OPCML: variants seen among roughly 807,000 people sequenced by gnomAD.
OPCML encodes opioid-binding protein/cell adhesion molecule.
In OPCML, 13 loss-of-function variants were observed where a neutral mutation model predicts 37.8. The ratio of observed to expected loss-of-function variants is 0.34; its 90% CI spans 0.22 to 0.55. The LOEUF (loss-of-function observed/expected upper bound fraction) is 0.55, where lower values mean the gene tolerates loss of function less well. Among genes scored for constraint, OPCML ranks in the 20% least tolerant of loss-of-function variants. OPCML has a pLI of 0.91. For synonymous variants in OPCML, 176 were observed against 168.8 expected (o/e 1.04, Z -0.33); for missense variants, 341 against 435.6 (o/e 0.78, Z 1.93).
chr11:132,464,577 ATC>A (rs1349377809), intron 4 of OPCML, among the ~76,000 whole-genome samples: 4 of 152,222 alleles, frequency 2.6e-5, no homozygotes, highest in African/African-American at 9.6e-5. Context: ...TTAATCAAAT[ATC>A]TCTACTTTTA....
rs73603254 is a variant in OPCML at position 132,418,426 on chromosome 11, G to C, written c.*1767C>G. 11,745 of 152,630 alleles carry C rather than the reference G, an allele frequency of 0.077. 798 individuals are homozygous for C. The highest frequency in any genetic ancestry group is 0.17 in the African/African-American group (7,154 of 41,512). The allele number at this position is 152,630 out of a possible 1,614,324, so 9.5% of individuals were successfully genotyped here. On this transcript the variant is annotated 3_prime_UTR_variant, in exon 8 of 8. Transcript: ENST00000524381. ...CAGCTCTTGTTTGTATGCTGGGTCT[G>C]CTTTGAACCTGAAGAGCTGGTGAAG...
intron 1 of OPCML, among the ~76,000 whole-genome samples, chr11:133,478,689 T>A (rs1187465995): frequency 6.6e-6 from 1 of 152,212 alleles, no homozygotes; most frequent in Non-Finnish European, 1.5e-5. Context: ...ACCTAAACTA[T>A]AGACAAACTA....
At chr11:132,510,061 C>T (rs374456952) in intron 4 of OPCML, among the ~76,000 whole-genome samples, 2 of 152,214 alleles carry the variant, frequency 1.3e-5, no homozygotes, top group African/African-American at 4.8e-5. Context: ...GGGAACCCAC[C>T]TCTTGCATCA....
intron 1 of OPCML, among the ~76,000 whole-genome samples, chr11:133,079,769 G>A (rs1177949727): frequency 1.3e-5 from 2 of 151,960 alleles, no homozygotes; most frequent in African/African-American, 4.8e-5. Context: ...AAGGTGAGAG[G>A]AAGGACCTAT....
chr11:132,858,283 G>A (rs1026139295), intron 2 of OPCML, among the ~76,000 whole-genome samples: 2 of 152,116 alleles, frequency 1.3e-5, no homozygotes, highest in African/African-American at 4.8e-5. Flanking sequence ...GGCTGCACCC[G>A]ACTCAGTCAG....
rs2096134906 is a variant in OPCML at position 132,470,578 on chromosome 11, T to C, written c.506-33219A>G. 2.6e-5 allele frequency among the ~76,000 whole-genome samples: 4 copies of C among 152,102 alleles called. No individual in the cohort carries two copies. The South Asian group carries it at 8.3e-4, about 32-fold the overall frequency. ...CATGAACGCATGAATGTGTTTGAAGTTTGAGGAATATCAGTAGCAATAGTA... is the reference window on the plus strand; with the variant it reads ...CATGAACGCATGAATGTGTTTGAAGCTTGAGGAATATCAGTAGCAATAGTA... On this transcript the variant is annotated intron_variant, in intron 4 of 7. Transcript: ENST00000524381.
At chr11:133,133,782 T>C (rs11223368) in intron 1 of OPCML, among the ~76,000 whole-genome samples, 12,598 of 152,178 alleles carry the variant, frequency 0.083, 886 homozygotes, top group African/African-American at 0.19. Flanking sequence ...ACGAGTTGCC[T>C]GTGCTCAGTG....
intron 2 of OPCML, among the ~76,000 whole-genome samples, chr11:132,862,644 G>A (rs566635521): frequency 6.6e-5 from 10 of 152,290 alleles, no homozygotes; most frequent in African/African-American, 2.4e-4. Flanking sequence ...AGCTGAGAAA[G>A]ATGGTGGGCT....
chr11:133,034,688 G>A (rs559232444), intron 1 of OPCML, among the ~76,000 whole-genome samples: 4 of 151,754 alleles, frequency 2.6e-5, no homozygotes, highest in East Asian at 1.9e-4. Flanking sequence ...ATGCTTAGAC[G>A]CAAGGAACAT....
chr11:133,240,466 T>C (rs6590683), intron 1 of OPCML, among the ~76,000 whole-genome samples: 94,139 of 151,968 alleles, frequency 0.62, 30,406 homozygotes, highest in East Asian at 0.91. Flanking sequence ...TGTGATGTCT[T>C]TGTCCCTCAT....
intron 2 of OPCML, among the ~76,000 whole-genome samples, chr11:132,754,669 TA>T (rs1420761776): frequency 1.3e-5 from 2 of 152,002 alleles, no homozygotes; most frequent in African/African-American, 2.4e-5. Flanking sequence ...TAAGGGGTGA[TA>T]GGGGGACCAC....
intron 4 of OPCML, among the ~76,000 whole-genome samples, chr11:132,515,747 G>A (rs1288124667): frequency 6.6e-6 from 1 of 152,214 alleles, no homozygotes; most frequent in East Asian, 1.9e-4. Flanking sequence ...CTTTAAACTG[G>A]GGAGGAATGA....
intron 2 of OPCML, among the ~76,000 whole-genome samples, chr11:132,909,670 A>G (rs369583882): frequency 1.3e-5 from 2 of 152,238 alleles, no homozygotes; most frequent in South Asian, 4.1e-4. Context: ...AGCCTGTCAC[A>G]TCAGTGTCGG....
At chr11:132,668,705 A>G (rs1942329453) in intron 2 of OPCML, among the ~76,000 whole-genome samples, 1 of 152,188 alleles carries the variant, frequency 6.6e-6, no homozygotes, top group Admixed American at 6.5e-5. Context: ...CTCCTTCTGT[A>G]CTTCCAAATC....
At chr11:132,438,305 T>C (rs1265631230) in intron 4 of OPCML, among the ~76,000 whole-genome samples, 1 of 152,212 alleles carries the variant, frequency 6.6e-6, no homozygotes, top group Non-Finnish European at 1.5e-5. Context: ...AAAACCAAGA[T>C]AAAGCCCAAG....
rs1396130893 is a variant in OPCML, at chr11:133,005,851, C to A, written c.62-62841G>T. Reference sequence around the variant, plus strand: ...GAGGCTGCTCTTTGCTGCCTAGGATCTATTTTTAATTTGCACTTAATTGCA... The same window carrying A: ...GAGGCTGCTCTTTGCTGCCTAGGATATATTTTTAATTTGCACTTAATTGCA... On this transcript the variant is annotated intron_variant, in intron 1 of 7. Transcript: ENST00000524381. 10 of 985,244 alleles carry A rather than the reference C, an allele frequency of 1.0e-5. No individual in the cohort carries two copies. In the African/African-American group the frequency reaches 1.6e-4, roughly 15 times the overall value. The allele number at this position is 985,244 out of a possible 1,614,324, so 61.0% of individuals were successfully genotyped here. A position where few individuals can be genotyped will look rare whatever the true frequency, so the allele number is the denominator to read the frequency against.
At chr11:133,406,932 A>G (rs1253403137) in intron 1 of OPCML, among the ~76,000 whole-genome samples, 3 of 152,194 alleles carry the variant, frequency 2.0e-5, no homozygotes, top group African/African-American at 7.2e-5. Flanking sequence ...AAATAAATAC[A>G]TCAGTGATCA....
intron 1 of OPCML, among the ~76,000 whole-genome samples, chr11:133,082,996 G>A (rs1948759788): frequency 6.6e-6 from 1 of 151,272 alleles, no homozygotes; most frequent in African/African-American, 2.4e-5. Flanking sequence ...GAGGGCGCCC[G>A]TCAGCGCCGG....
At chr11:132,776,948 T>G (rs1196617212) in intron 2 of OPCML, among the ~76,000 whole-genome samples, 2 of 151,904 alleles carry the variant, frequency 1.3e-5, no homozygotes, top group East Asian at 3.9e-4. Context: ...ATTAGCCCCA[T>G]CATCACCAAA....
Sources: gnomAD v4.1 joint callset for allele counts (sites outside exome capture counted in the v4.1 genomes callset) on GRCh38, gnomAD v4.1.1 for gene constraint, MANE v1.5 for transcripts, NCBI Gene and HGNC (gene_info 2026-07-23, HGNC 2026-07-21) for gene names.